The following NRG1 variants were observed in gnomAD, a reference collection of about 807,000 sequenced individuals.
The protein encoded by NRG1 is pro-neuregulin-1, membrane-bound isoform.
In NRG1, 18 loss-of-function variants were observed where a neutral mutation model predicts 63.8. The observed-to-expected ratio is 0.28, with a 90% CI of 0.19 to 0.42. NRG1 has a LOEUF of 0.42. NRG1 is among the 10% of genes least tolerant of loss of function. NRG1 has a pLI of 1.00. For synonymous variants in NRG1, 302 were observed against 301.3 expected, an observed-to-expected ratio of 1.00 and a Z score of -0.02; for missense variants, 762 against 814.7, an observed-to-expected ratio of 0.94 and a Z score of 0.79.
At chr8:32,658,908 T>A (rs558906795) in intron 5 of NRG1, among the ~76,000 whole-genome samples, 2 of 152,234 alleles carry the variant, frequency 1.3e-5, no homozygotes, top group East Asian at 1.9e-4. Context: ...TTTGGTGACA[T>A]GTTTTGGTGA....
chr8:31,928,300 A>G (rs1048182980), intron 1 of NRG1, among the ~76,000 whole-genome samples: 8 of 147,174 alleles, frequency 5.4e-5, no homozygotes, highest in Admixed American at 2.1e-4. Flanking sequence ...CCCCCCAGCC[A>G]GAATGGCGAT....
At chr8:31,850,617 C>T (rs1200077761) in intron 1 of NRG1, among the ~76,000 whole-genome samples, 2 of 152,168 alleles carry the variant, frequency 1.3e-5, no homozygotes, top group Non-Finnish European at 2.9e-5. Context: ...TGCTTTCTGG[C>T]CTCTCTTGCC....
intron 1 of NRG1, among the ~76,000 whole-genome samples, chr8:32,559,041 A>G (rs1835770356): frequency 7.0e-6 from 1 of 142,234 alleles, no homozygotes; most frequent in Non-Finnish European, 1.5e-5. Flanking sequence ...ATGATACACC[A>G]CTGCACTCCA....
rs557575066 is a variant in NRG1, at chr8:31,699,084, C to G, written c.37+59653C>G. Among the ~76,000 whole-genome samples the G allele has an allele frequency of 2.0e-5, 3 of 152,294 alleles. No homozygotes were observed. The South Asian group carries it at 6.2e-4, about 32-fold the overall frequency. On this transcript the variant is annotated intron_variant, in intron 1 of 10. Coordinates refer to the NRG1 transcript ENST00000519301. ...TATGAGTGATTAAATAATTTAATAT[C>G]ACTGGGAGAGTTACTTATTATGTGT...
chr8:32,746,623 A>G (rs760172276), intron 7 of NRG1, among the ~76,000 whole-genome samples: 3 of 152,154 alleles, frequency 2.0e-5, no homozygotes, highest in Non-Finnish European at 2.9e-5. Flanking sequence ...AGACTTTTAG[A>G]TTTAAATTAA....
chr8:32,545,549 C>G (rs534055756), upstream of NRG1, among the ~76,000 whole-genome samples: 2 of 151,436 alleles, frequency 1.3e-5, no homozygotes, highest in African/African-American at 2.4e-5. Context: ...AGGTTTTTTA[C>G]AAATGCAAAA....
intron 1 of NRG1, among the ~76,000 whole-genome samples, chr8:32,297,853 A>G (rs901443054): frequency 4.6e-5 from 7 of 152,228 alleles, no homozygotes; most frequent in Non-Finnish European, 1.0e-4. Flanking sequence ...GTCTCCCTCT[A>G]GTAATAATCA....
chr8:31,791,270 A>AT (rs1820682134), intron 1 of NRG1, among the ~76,000 whole-genome samples: 2 of 151,936 alleles, frequency 1.3e-5, no homozygotes, highest in Admixed American at 6.6e-5. Flanking sequence ...TTTCCTCCTC[A>AT]TGCCAACTCA....
At chr8:32,069,899 C>T (rs999106128) in intron 1 of NRG1, among the ~76,000 whole-genome samples, 8 of 152,072 alleles carry the variant, frequency 5.3e-5, no homozygotes, top group African/African-American at 1.9e-4. Context: ...AGCAGTGTGG[C>T]GTGCCCACAC....
At chr8:32,138,336 C>A (rs1835812893) in intron 1 of NRG1, among the ~76,000 whole-genome samples, 1 of 151,994 alleles carries the variant, frequency 6.6e-6, no homozygotes, top group Admixed American at 6.6e-5. Flanking sequence ...GGAAGGCAAA[C>A]ATCTAAAGCT....
At chr8:32,307,224 A>G (rs1477105335) in intron 1 of NRG1, among the ~76,000 whole-genome samples, 1 of 152,226 alleles carries the variant, frequency 6.6e-6, no homozygotes, top group African/African-American at 2.4e-5. Flanking sequence ...AAAACCAGAG[A>G]GCAGTCACAA....
intron 1 of NRG1, among the ~76,000 whole-genome samples, chr8:32,312,014 G>C (rs1377616408): frequency 1.3e-5 from 2 of 152,132 alleles, no homozygotes; most frequent in Non-Finnish European, 1.5e-5. Flanking sequence ...ACTGAGATGT[G>C]TTGAGGAACT....
intron 1 of NRG1, chr8:32,061,686 G>A (rs1193776729): frequency 1.3e-5 from 2 of 152,072 alleles, no homozygotes; most frequent in Middle Eastern, 3.4e-3. Flanking sequence ...TCACAACTAG[G>A]AAAGTCACGT....
chr8:32,469,292 A>C (rs549330908), intron 1 of NRG1, among the ~76,000 whole-genome samples: 5 of 152,220 alleles, frequency 3.3e-5, no homozygotes, highest in East Asian at 1.9e-4. Flanking sequence ...TTCACAACGC[A>C]ATGGAAACAG....
intron 1 of NRG1, among the ~76,000 whole-genome samples, chr8:31,703,062 G>C (rs563566938): frequency 3.4e-4 from 51 of 148,276 alleles, no homozygotes; most frequent in African/African-American, 1.2e-3. Context: ...TTCCAAAAAA[G>C]GCTATTTAGG....
intron 1 of NRG1, among the ~76,000 whole-genome samples, chr8:32,375,063 A>T (rs1587183442): frequency 6.6e-6 from 1 of 151,920 alleles, no homozygotes; most frequent in Admixed American, 6.6e-5. Flanking sequence ...GATCACTGCA[A>T]CCTCCACTTC....
intron 1 of NRG1, among the ~76,000 whole-genome samples, chr8:32,059,814 C>G (rs1823550222): frequency 6.6e-6 from 1 of 151,868 alleles, no homozygotes; most frequent in South Asian, 2.1e-4. Context: ...CTATGGGAAA[C>G]TTTATTTCTA....
chr8:32,012,936 A>G (rs1187369205), intron 1 of NRG1, among the ~76,000 whole-genome samples: 1 of 152,086 alleles, frequency 6.6e-6, no homozygotes, highest in Admixed American at 6.6e-5. Context: ...TGAAGCATCC[A>G]CCATGGAGAG....
intron 1 of NRG1, among the ~76,000 whole-genome samples, chr8:32,515,053 G>T (rs187256527): frequency 3.9e-4 from 57 of 144,774 alleles, no homozygotes; most frequent in African/African-American, 1.3e-3. Flanking sequence ...GTCCATGTCT[G>T]CTATTGTGAA....
Sources: gnomAD v4.1 joint callset for allele counts (sites outside exome capture counted in the v4.1 genomes callset) on GRCh38, gnomAD v4.1.1 for gene constraint, MANE v1.5 for transcripts, NCBI Gene and HGNC (gene_info 2026-07-23, HGNC 2026-07-21) for gene names.